The following DLG2 variants were observed in gnomAD, a reference collection of about 807,000 sequenced individuals.
The protein encoded by DLG2 is disks large homolog 2.
Under a neutral mutation model 132.5 loss-of-function variants are expected in DLG2, and 45 were observed. That is an observed-to-expected ratio of 0.34 (90% CI 0.27 to 0.44). The LOEUF (loss-of-function observed/expected upper bound fraction) is 0.44. Among genes scored for constraint, DLG2 ranks in the 20% least tolerant of loss-of-function variants. The pLI is 1.00. For missense variants in DLG2, 1,045 were observed against 1,196.9 expected, an observed-to-expected ratio of 0.87 and a Z score of 1.87; for synonymous variants, 424 against 419.6, an observed-to-expected ratio of 1.01 and a Z score of -0.13.
chr11:84,507,386 T>C (rs2099244395), intron 7 of DLG2, among the ~76,000 whole-genome samples: 1 of 152,274 alleles, frequency 6.6e-6, no homozygotes, highest in East Asian at 1.9e-4. Flanking sequence ...TGAAGAGAAG[T>C]GATGAGATTT....
At chr11:85,446,899 AG>A (rs2092035402) in intron 3 of DLG2, among the ~76,000 whole-genome samples, 1 of 152,110 alleles carries the variant, frequency 6.6e-6, no homozygotes, top group Non-Finnish European at 1.5e-5. Context: ...TCTAAGAAAA[AG>A]CTTTGTATAT....
chr11:85,171,318 C>A (rs1201999758), intron 4 of DLG2, among the ~76,000 whole-genome samples: 1 of 152,096 alleles, frequency 6.6e-6, no homozygotes, highest in East Asian at 1.9e-4. Flanking sequence ...CCAGGGGAAC[C>A]CCCACCTCCA....
At chr11:84,798,334 C>T (rs2074935441) in intron 6 of DLG2, among the ~76,000 whole-genome samples, 1 of 152,090 alleles carries the variant, frequency 6.6e-6, no homozygotes, top group African/African-American at 2.4e-5. Context: ...AAAAAACCAT[C>T]AAAATTTTCC....
chr11:84,807,526 G>A (rs2153967744), intron 6 of DLG2, among the ~76,000 whole-genome samples: 1 of 152,182 alleles, frequency 6.6e-6, no homozygotes, highest in Admixed American at 6.5e-5. Context: ...TACCTTAAAT[G>A]TAAATGATCT....
At chr11:85,191,902 G>C (rs989103674) in intron 4 of DLG2, among the ~76,000 whole-genome samples, 1 of 152,050 alleles carries the variant, frequency 6.6e-6, no homozygotes, top group African/African-American at 2.4e-5. Flanking sequence ...ATATTATCCT[G>C]GGCTTTTTGA....
At chr11:84,578,186 A>G (rs192942012) in intron 6 of DLG2, among the ~76,000 whole-genome samples, 147 of 152,332 alleles carry the variant, frequency 9.6e-4, no homozygotes, top group Non-Finnish European at 1.6e-3. Context: ...ATAGAGAACC[A>G]CTGCTAGGGT....
chr11:84,421,594 A>C (rs755418611), intron 7 of DLG2, among the ~76,000 whole-genome samples: 6 of 152,190 alleles, frequency 3.9e-5, no homozygotes, highest in Non-Finnish European at 8.8e-5. Context: ...TTTTTCTAAA[A>C]TCTGAATCTG....
At chr11:85,247,414 A>G (rs150359780) in intron 4 of DLG2, among the ~76,000 whole-genome samples, 25 of 152,060 alleles carry the variant, frequency 1.6e-4, no homozygotes, top group Admixed American at 3.9e-4. Context: ...TTCAATTGTC[A>G]TCTTCTCAGT....
chr11:85,154,476 A>G, intron 5 of DLG2, 80 bp downstream of exon 5: 1 of 681,650 alleles, frequency 1.5e-6, no homozygotes, highest in Non-Finnish European at 2.4e-6. Flanking sequence ...TTTCTTTAAC[A>G]CTACTAGCAC....
intron 18 of DLG2, among the ~76,000 whole-genome samples, chr11:83,665,890 G>T (rs956904084): frequency 6.6e-5 from 10 of 152,100 alleles, no homozygotes; most frequent in African/African-American, 2.4e-4. Flanking sequence ...ACACGAAGAA[G>T]TGATATATAC....
intron 7 of DLG2, among the ~76,000 whole-genome samples, chr11:84,363,413 C>G (rs1345742061): frequency 6.6e-6 from 1 of 151,936 alleles, no homozygotes; most frequent in Non-Finnish European, 1.5e-5. Flanking sequence ...GATATTAGCC[C>G]TTTGTCAGAT....
chr11:84,057,103 A>G (rs2096516199), intron 11 of DLG2, among the ~76,000 whole-genome samples: 1 of 152,132 alleles, frequency 6.6e-6, no homozygotes. Context: ...TCCCCATTCC[A>G]GGTCCCACAG....
intron 9 of DLG2, among the ~76,000 whole-genome samples, chr11:84,137,438 ATG>A (rs34707637): frequency 4.0e-5 from 6 of 151,528 alleles, no homozygotes; most frequent in Non-Finnish European, 7.4e-5. Context: ...ACCAAATTTT[ATG>A]TGTGTGTGTG....
intron 26 of DLG2, among the ~76,000 whole-genome samples, chr11:83,462,751 A>G (rs1160865921): frequency 6.6e-6 from 1 of 152,224 alleles, no homozygotes; most frequent in Non-Finnish European, 1.5e-5. Flanking sequence ...TTTGATCATT[A>G]CACATTGTAT....
chr11:84,905,251 A>G (rs1449859031), intron 6 of DLG2, among the ~76,000 whole-genome samples: 1 of 152,194 alleles, frequency 6.6e-6, no homozygotes, highest in East Asian at 1.9e-4. Flanking sequence ...ATCGGTTTAC[A>G]TATCTGTGTA....
chr11:85,548,573 C>T (rs1415883893), intron 3 of DLG2, among the ~76,000 whole-genome samples: 5 of 152,210 alleles, frequency 3.3e-5, no homozygotes, highest in Non-Finnish European at 2.9e-5. Context: ...TTTAAGTCTG[C>T]TGAAGCTGTG....
chr11:85,468,366 T>A (rs2092871496), intron 3 of DLG2, among the ~76,000 whole-genome samples: 1 of 152,190 alleles, frequency 6.6e-6, no homozygotes, highest in Non-Finnish European at 1.5e-5. Context: ...TTTGAATGTG[T>A]TTGCTCTTGC....
chr11:84,055,216 T>C (rs35728121), intron 11 of DLG2, among the ~76,000 whole-genome samples: 3,400 of 152,022 alleles, frequency 0.022, 66 homozygotes, highest in Middle Eastern at 0.034. Flanking sequence ...AAACTGAACC[T>C]CATCCTTGAA....
In DLG2 at chr11:84,761,049, G is replaced by T. The variant is rs537394957; in HGVS notation, c.358-226318C>A. ...TCAGGATACAGAAAGCTGTCACATG[G>T]CCCTCTGCCCTTGTGAAAAAGCAGA... On this transcript the variant is annotated intron_variant, in intron 6 of 27. Transcript: ENST00000376104. Among the ~76,000 whole-genome samples, 11 of 152,244 alleles carry T rather than the reference G, an allele frequency of 7.2e-5. No individual in the cohort carries two copies. In the East Asian group the frequency reaches 2.1e-3, roughly 29 times the overall value.
Sources: allele counts gnomAD v4.1 joint callset (sites outside exome capture counted in the v4.1 genomes callset), GRCh38; gene constraint gnomAD v4.1.1; transcripts MANE v1.5; gene names NCBI Gene and HGNC (gene_info 2026-07-23, HGNC 2026-07-21).